Variants in ANK1 observed in about 807,000 individuals in gnomAD.
ANK1 encodes ankyrin-1.
Under a neutral mutation model 210.4 loss-of-function variants are expected in ANK1, and 51 were observed. The observed-to-expected ratio is 0.24, with a 90% CI of 0.19 to 0.31. The LOEUF (loss-of-function observed/expected upper bound fraction) is 0.31. Ranked by LOEUF, ANK1 falls within the 10% of genes least tolerant of loss-of-function variation. The pLI, the probability that ANK1 is intolerant of heterozygous loss-of-function variation, is 1.00. For missense variants in ANK1, 2,051 were observed against 2,504.4 expected (o/e 0.82, Z 3.86); for synonymous variants, 967 against 1,025.9 (o/e 0.94, Z 1.10).
intron 41 of ANK1, 45 bp from the exon 42 acceptor site, chr8:41,661,609 C>T (rs773514638): frequency 8.1e-6 from 13 of 1,612,032 alleles, no homozygotes; most frequent in Admixed American, 3.3e-5. Context: ...ATCGCAAAGA[C>T]GGGCAGAACA....
At chr8:41,803,011 AAGAAAG>A (rs1384897235) in intron 1 of ANK1, among the ~76,000 whole-genome samples, 5 of 95,248 alleles carry the variant, frequency 5.2e-5, no homozygotes, top group Non-Finnish European at 1.1e-4. Context: ...GAAAGAAAGA[AAGAAAG>A]AAAGAAAGAA....
chr8:41,692,247 G>A (rs1819479350), intron 31 of ANK1, among the ~76,000 whole-genome samples: 1 of 152,144 alleles, frequency 6.6e-6, no homozygotes, highest in South Asian at 2.1e-4. Flanking sequence ...AGTAGAGACA[G>A]GGTTTCACCA....
At chr8:41,678,755 G>A (rs543922473) in intron 37 of ANK1, among the ~76,000 whole-genome samples, 13 of 152,066 alleles carry the variant, frequency 8.5e-5, no homozygotes, top group South Asian at 2.1e-4. Context: ...TACAATCACC[G>A]TTTTAGTATC....
intron 42 of ANK1, among the ~76,000 whole-genome samples, chr8:41,657,889 T>TATTTC (rs1367604988): frequency 1.3e-5 from 2 of 152,182 alleles, no homozygotes; most frequent in Non-Finnish European, 2.9e-5. Flanking sequence ...TCTTTATTTT[T>TATTTC]ATTTCATTTA....
chr8:41,704,027 G>C lies in ANK1; in HGVS notation c.2295+14C>G. 6.2e-7 allele frequency: 1 copy of C among 1,611,966 alleles called. No individual in the cohort carries two copies. On this transcript the variant is annotated intron_variant, in intron 20 of 42. Coordinates refer to ENST00000289734, the MANE Select transcript of ANK1 (RefSeq NM_000037.4). This position sits in a 1 kb window ranked among gnomAD's most constrained non-coding sequence, Gnocchi z 4.1. ...GGAGCAGTTTTCTAAACTCAGGAGA[G>C]AGAGTGTACTCACCGAGCTGACCTC...
intron 1 of ANK1, among the ~76,000 whole-genome samples, chr8:41,849,660 C>T (rs948981231): frequency 1.3e-5 from 2 of 152,136 alleles, no homozygotes; most frequent in South Asian, 2.1e-4. Flanking sequence ...AGGGAAGGTG[C>T]CCACCACACA....
chr8:41,877,845 G>A (rs566080582), intron 1 of ANK1, among the ~76,000 whole-genome samples: 279 of 152,338 alleles, frequency 1.8e-3, no homozygotes, highest in Non-Finnish European at 2.8e-3. Context: ...GACAGGGACA[G>A]CTTGAAGCAC....
chr8:41,743,559 G>A (rs1436006734), intron 2 of ANK1, among the ~76,000 whole-genome samples: 1 of 152,178 alleles, frequency 6.6e-6, no homozygotes, highest in Admixed American at 6.5e-5. Flanking sequence ...AGTGAACAGG[G>A]AGGTGCCCTG....
intron 1 of ANK1, among the ~76,000 whole-genome samples, chr8:41,813,737 T>G (rs1386431933): frequency 6.6e-6 from 1 of 152,218 alleles, no homozygotes; most frequent in Admixed American, 6.5e-5. Context: ...AAACTTCGTC[T>G]GTAATACCTG....
intron 1 of ANK1, among the ~76,000 whole-genome samples, chr8:41,860,946 T>C (rs1813156983): frequency 6.6e-6 from 1 of 152,168 alleles, no homozygotes; most frequent in African/African-American, 2.4e-5. Context: ...AACTGCTGCT[T>C]CCAGAAAACT....
At chr8:41,833,762 C>A (rs990164312) in intron 1 of ANK1, among the ~76,000 whole-genome samples, 1 of 152,136 alleles carries the variant, frequency 6.6e-6, no homozygotes, top group African/African-American at 2.4e-5. Context: ...GTGTACAGAA[C>A]AATCCTGGCA....
At position 41,860,357 on chromosome 8, in the gene ANK1, C is replaced by A. The variant is rs372994847; in HGVS notation, c.126+35998G>T. ...CTGGGATTCACAGGCAAGAGAACCCCAAACTACAAAGAGAAGCTCGATCAG... is the reference window on the plus strand; with the variant it reads ...CTGGGATTCACAGGCAAGAGAACCCAAAACTACAAAGAGAAGCTCGATCAG... On this transcript the variant is annotated intron_variant, in intron 1 of 42. Transcript: ENST00000265709. 3.0e-4 allele frequency among the ~76,000 whole-genome samples: 46 copies of A among 152,292 alleles called. No homozygotes were observed. The East Asian group carries it at 7.7e-3, about 26-fold the overall frequency.
At chr8:41,894,731 A>C (rs1346990981) in intron 1 of ANK1, among the ~76,000 whole-genome samples, 1 of 152,152 alleles carries the variant, frequency 6.6e-6, no homozygotes, top group African/African-American at 2.4e-5. Flanking sequence ...CTTCCCGAGA[A>C]GAAGTTCACA....
intron 2 of ANK1, among the ~76,000 whole-genome samples, chr8:41,743,070 C>G (rs892124816): frequency 1.3e-5 from 2 of 152,224 alleles, no homozygotes; most frequent in African/African-American, 4.8e-5. Flanking sequence ...TGTGTGACCT[C>G]TAGCTTTGCT....
In ANK1 at chr8:41,701,705, C is replaced by T. The variant is rs552417636; in HGVS notation, c.2389-83G>A. The T allele has an allele frequency of 1.9e-5, 26 of 1,382,476 alleles. No homozygotes were observed. In the African/African-American group the frequency reaches 3.4e-4, roughly 18 times the overall value. 85.6% of individuals were successfully genotyped at this position (1,382,476 alleles called of 1,614,324 possible). On this transcript the variant is annotated intron_variant, in intron 21 of 42. Transcript: ENST00000289734. ...CAGCCCAGCGGTTCCCTGGTCATGC[C>T]TGTGGGGTTTCCCACAAATGAAGAA...
intron 6 of ANK1, 25 bp from the exon 7 acceptor site, chr8:41,724,579 ACTTG>A (rs1830198808): frequency 6.4e-7 from 1 of 1,556,802 alleles, no homozygotes; most frequent in South Asian, 1.2e-5. Flanking sequence ...AGGGGGAGAA[ACTTG>A]TTATATGTGA....
chr8:41,822,277 G>C (rs1804597209), intron 1 of ANK1, among the ~76,000 whole-genome samples: 1 of 152,214 alleles, frequency 6.6e-6, no homozygotes, highest in South Asian at 2.1e-4. Flanking sequence ...ACATCCCCAA[G>C]AGCATCATTG....
At position 41,869,848 on chromosome 8, in the gene ANK1, A is replaced by G. The variant is rs533142787; in HGVS notation, c.126+26507T>C. The stretch of plus-strand genomic sequence containing the variant: ...TAACTGGGGCTTGCTTATATTTTCA[A>G]TATTGTTACACATCCAAAAGCTCAA... On this transcript the variant is annotated intron_variant, in intron 1 of 42. Transcript: ENST00000265709. 7.2e-5 allele frequency among the ~76,000 whole-genome samples: 11 copies of G among 152,304 alleles called. No individual in the cohort carries two copies. The South Asian group carries it at 2.3e-3, about 32-fold the overall frequency.
rs1214897800 is a variant in ANK1 at position 41,725,744 on chromosome 8, C to T, written c.612+17G>A. On this transcript the variant is annotated intron_variant, in intron 6 of 42. Transcript: ENST00000289734. ...GGCGTCCGCGGCCCAAGGCTCCTCC[C>T]TCCTCCTCGCCCTCACCTTGGAAAG... is the stretch of plus-strand genomic sequence containing the variant. The T allele has an allele frequency of 3.7e-6, 6 of 1,605,444 alleles. No individual in the cohort carries two copies. In the Admixed American group the frequency reaches 6.7e-5, roughly 18 times the overall value.
Sources: gnomAD v4.1 joint callset for allele counts (sites outside exome capture counted in the v4.1 genomes callset) on GRCh38, gnomAD v4.1.1 for gene constraint, Gnocchi (gnomAD v3.1) non-coding constraint, MANE v1.5 for transcripts, NCBI Gene and HGNC (gene_info 2026-07-23, HGNC 2026-07-21) for gene names.